SOBP: variants seen among roughly 807,000 people sequenced by gnomAD.
SOBP encodes the protein sine oculis-binding protein homolog.
In SOBP, 4 loss-of-function variants were observed where a neutral mutation model predicts 53.6. The observed-to-expected ratio is 0.07, with a 90% CI of 0.04 to 0.17. SOBP has a LOEUF of 0.17. Ranked by LOEUF, SOBP falls within the 10% of genes least tolerant of loss-of-function variation. The pLI is 1.00. For missense variants in SOBP, 1,088 were observed against 1,204.7 expected (o/e 0.90, Z 1.43); for synonymous variants, 584 against 522.6 (o/e 1.12, Z -1.60).
chr6:107,532,241 TCACA>T (rs10525191), intron 3 of SOBP, among the ~76,000 whole-genome samples: 33,377 of 139,566 alleles, frequency 0.24, 4,139 homozygotes, highest in South Asian at 0.32. Context: ...TCTCTCTCTC[TCACA>T]CACACACACA....
At chr6:107,594,266 G>A (rs1236129757) in intron 5 of SOBP, among the ~76,000 whole-genome samples, 1 of 152,124 alleles carries the variant, frequency 6.6e-6, no homozygotes, top group African/African-American at 2.4e-5. Flanking sequence ...ACAGTATTTG[G>A]TAAACAACTG....
chr6:107,613,684 T>C (rs748432244), intron 5 of SOBP, among the ~76,000 whole-genome samples: 16 of 152,236 alleles, frequency 1.1e-4, no homozygotes, highest in Non-Finnish European at 1.8e-4. Context: ...AATTCCTTCA[T>C]GTTCAGAAAG....
At chr6:107,494,212 A>AT (rs143009331) in intron 1 of SOBP, among the ~76,000 whole-genome samples, 1 of 152,322 alleles carries the variant, frequency 6.6e-6, no homozygotes, top group Non-Finnish European at 1.5e-5. Context: ...GATGCAGAGT[A>AT]TATGTTTCTA....
In SOBP at chr6:107,634,896, C is replaced by A. The variant is rs1309971365; in HGVS notation, c.2052C>A (p.Ala684=). The A allele has an allele frequency of 1.5e-6, 2 of 1,300,664 alleles. No individual in the cohort carries two copies. Among genetic ancestry groups the A allele is most frequent in the Non-Finnish European group, 2.0e-6 (2 of 1,014,232 alleles). 80.6% of individuals were successfully genotyped at this position (1,300,664 alleles called of 1,614,324 possible). A position where few individuals can be genotyped will look rare whatever the true frequency, so the allele number is the denominator to read the frequency against. The part of the protein sequence containing the change: ...AHVKAEREPS[A]AERRTCGGCR... ...TCAAGGCGGAGCGCGAGCCGAGCGC[C>A]GCGGAGCGCAGGACCTGCGGCGGCT... Residue 684 remains alanine, a synonymous_variant, in exon 6 of 7, where the codon GCC becomes GCA. Coordinates refer to ENST00000317357, the MANE Select transcript of SOBP (RefSeq NM_018013.4). This position sits in a 1 kb window ranked among gnomAD's most constrained non-coding sequence, Gnocchi z 4.5.
At chr6:107,503,928 C>A in intron 2 of SOBP, 133 bp downstream of exon 2, 1 of 1,076,170 alleles carries the variant, frequency 9.3e-7, no homozygotes, top group Non-Finnish European at 1.4e-6. Context: ...ACATACATCC[C>A]CAATAGTGCT....
intron 4 of SOBP, among the ~76,000 whole-genome samples, chr6:107,583,498 C>T (rs557370270): frequency 1.2e-4 from 18 of 152,210 alleles, no homozygotes; most frequent in African/African-American, 4.3e-4. Flanking sequence ...AATTTTTGCC[C>T]ACAAGCAACT....
At chr6:107,559,975 G>A (rs1196196716) in intron 4 of SOBP, among the ~76,000 whole-genome samples, 1 of 152,044 alleles carries the variant, frequency 6.6e-6, no homozygotes, top group African/African-American at 2.4e-5. Flanking sequence ...TATTCAGGGG[G>A]CAGCAGTGGG....
chr6:107,511,659 C>G (rs1392862372), intron 3 of SOBP: 2 of 152,238 alleles, frequency 1.3e-5, no homozygotes, highest in Non-Finnish European at 2.9e-5. Context: ...TCTCCTTTCT[C>G]ACAGCTGCAT....
chr6:107,652,601 G>A (rs1351499903), intron 6 of SOBP, among the ~76,000 whole-genome samples: 1 of 152,236 alleles, frequency 6.6e-6, no homozygotes, highest in Non-Finnish European at 1.5e-5. Flanking sequence ...AGCAGGGATT[G>A]ACTCAGTTTT....
intron 4 of SOBP, among the ~76,000 whole-genome samples, chr6:107,544,990 C>A (rs1784256463): frequency 1.3e-5 from 2 of 152,136 alleles, no homozygotes; most frequent in Non-Finnish European, 2.9e-5. Context: ...TTTATAAATA[C>A]ATCATAATAC....
At chr6:107,501,165 GC>G (rs1782836425) in intron 1 of SOBP, among the ~76,000 whole-genome samples, 1 of 152,206 alleles carries the variant, frequency 6.6e-6, no homozygotes, top group African/African-American at 2.4e-5. Flanking sequence ...GTTCCATGAA[GC>G]CTCTGACTTT....
chr6:107,636,660 A>G (rs1408907469), intron 6 of SOBP, among the ~76,000 whole-genome samples: 1 of 152,190 alleles, frequency 6.6e-6, no homozygotes, highest in Non-Finnish European at 1.5e-5. Flanking sequence ...TAACTTGTAC[A>G]CTGCTCCTTC....
chr6:107,556,766 T>C (rs1784623155), intron 4 of SOBP, among the ~76,000 whole-genome samples: 1 of 152,102 alleles, frequency 6.6e-6, no homozygotes, highest in South Asian at 2.1e-4. Flanking sequence ...GCTGTAGACA[T>C]TGGGCCAGTC....
At chr6:107,506,678 A>G (rs898077696) in intron 3 of SOBP, among the ~76,000 whole-genome samples, 9 of 152,216 alleles carry the variant, frequency 5.9e-5, no homozygotes, top group African/African-American at 1.9e-4. Flanking sequence ...TACAAAACAA[A>G]GTTATTTTCC....
At chr6:107,599,610 G>A (rs199739687) in intron 5 of SOBP, among the ~76,000 whole-genome samples, 81 of 138,514 alleles carry the variant, frequency 5.8e-4, no homozygotes, top group East Asian at 6.1e-4. Flanking sequence ...TGATTTTTGA[G>A]AAAAAAAAAA....
At chr6:107,616,141 C>T (rs1299433923) in intron 5 of SOBP, among the ~76,000 whole-genome samples, 1 of 147,952 alleles carries the variant, frequency 6.8e-6, no homozygotes, top group African/African-American at 2.6e-5. Context: ...AAATCAGGAG[C>T]TTTTCTTTCC....
chr6:107,603,824 C>T (rs1044303161), intron 5 of SOBP, among the ~76,000 whole-genome samples: 2 of 152,114 alleles, frequency 1.3e-5, no homozygotes, highest in African/African-American at 4.8e-5. Context: ...CCCCAAATCC[C>T]CAGCCCCTGC....
intron 4 of SOBP, among the ~76,000 whole-genome samples, chr6:107,578,073 C>CAAA (rs11362582): frequency 7.8e-4 from 68 of 87,068 alleles, no homozygotes; most frequent in Non-Finnish European, 1.1e-3. Flanking sequence ...GACTCTGTCT[C>CAAA]AAAAAAAAAA....
At chr6:107,532,241 T>TCTCA (rs373567492) in intron 3 of SOBP, among the ~76,000 whole-genome samples, 4,359 of 139,692 alleles carry the variant, frequency 0.031, 68 homozygotes, top group Middle Eastern at 0.07. Flanking sequence ...TCTCTCTCTC[T>TCTCA]CACACACACA....
Sources: gnomAD v4.1 joint callset for allele counts (sites outside exome capture counted in the v4.1 genomes callset) on GRCh38, gnomAD v4.1.1 for gene constraint, Gnocchi (gnomAD v3.1) non-coding constraint, MANE v1.5 for transcripts, NCBI Gene and HGNC (gene_info 2026-07-23, HGNC 2026-07-21) for gene names.